Variants in MVB12B observed in about 807,000 individuals in gnomAD.
MVB12B encodes multivesicular body subunit 12B, also known as ESCRT-I complex subunit MVB12B.
A neutral mutation model predicts 41.6 loss-of-function variants in MVB12B; 16 were observed. The ratio of observed to expected loss-of-function variants is 0.38; its 90% CI spans 0.26 to 0.58. The LOEUF is 0.58. Ranked by LOEUF, MVB12B falls within the 20% of genes least tolerant of loss-of-function variation. MVB12B has a pLI of 0.62. For missense variants in MVB12B, 274 were observed against 380.2 expected, an observed-to-expected ratio of 0.72 and a Z score of 2.32; for synonymous variants, 133 against 139.7, an observed-to-expected ratio of 0.95 and a Z score of 0.34.
chr9:126,429,899 C>T (rs778351345), intron 7 of MVB12B, among the ~76,000 whole-genome samples: 8 of 152,172 alleles, frequency 5.3e-5, no homozygotes, highest in Non-Finnish European at 1.0e-4. Context: ...GGCTCTGGGT[C>T]ATCTTACTCC....
At chr9:126,426,638 A>T (rs1037348545) in intron 7 of MVB12B, among the ~76,000 whole-genome samples, 1 of 151,324 alleles carries the variant, frequency 6.6e-6, no homozygotes, top group Non-Finnish European at 1.5e-5. Context: ...TTTCTCTTTC[A>T]TCTATTCCAG....
chr9:126,334,354 G>A (rs1829220319), intron 1 of MVB12B, among the ~76,000 whole-genome samples: 1 of 152,186 alleles, frequency 6.6e-6, no homozygotes, highest in African/African-American at 2.4e-5. Flanking sequence ...TATTTTGGAA[G>A]TCATTAGCAT....
intron 5 of MVB12B, among the ~76,000 whole-genome samples, chr9:126,394,701 C>T (rs939093506): frequency 6.6e-6 from 1 of 152,218 alleles, no homozygotes; most frequent in East Asian, 1.9e-4. Flanking sequence ...TCATTGGAAT[C>T]ACTCATCTAA....
At chr9:126,396,590 C>T (rs963538824) in intron 6 of MVB12B, 179 of 985,344 alleles carry the variant, frequency 1.8e-4, no homozygotes, top group Non-Finnish European at 2.1e-4. Context: ...CCGGGACATA[C>T]CACCAGCTCT....
intron 7 of MVB12B, among the ~76,000 whole-genome samples, chr9:126,475,653 G>A (rs1271373896): frequency 6.6e-6 from 1 of 152,104 alleles, no homozygotes; most frequent in Admixed American, 6.5e-5. Context: ...CGCTCCTCTT[G>A]ATTCAGCTCC....
rs377616811 is a variant in MVB12B, at chr9:126,486,566, G to A, written c.873+2534G>A. On this transcript the variant is annotated intron_variant, in intron 9 of 9. Coordinates refer to ENST00000361171, the MANE Select transcript of MVB12B (RefSeq NM_033446.3). This position sits in a 1 kb window ranked among gnomAD's most constrained non-coding sequence, Gnocchi z 4.7. ...ATAGGTGGGACGTGCTGGCAGCAGC[G>A]GCCTCAGCGTCGAGCCATCTCCCCT... Among the ~76,000 whole-genome samples, 394 of 152,330 alleles carry A rather than the reference G, an allele frequency of 2.6e-3. 5 individuals are homozygous for A. The highest frequency in any genetic ancestry group is 9.2e-3 in the African/African-American group (383 of 41,578).
At position 126,456,021 on chromosome 9, in the gene MVB12B, G is replaced by C. The variant is rs180803963; in HGVS notation, c.758-25348G>C. ...TTTTCCTGCCACAGCCTCCCAAGTA[G>C]CTGGGATCACAGGTACCCGCCACCA... On this transcript the variant is annotated intron_variant, in intron 7 of 9. Transcript: ENST00000361171. 1.3e-4 allele frequency among the ~76,000 whole-genome samples: 20 copies of C among 149,690 alleles called. 1 individual carries two copies. The highest frequency in any genetic ancestry group is 4.9e-4 in the African/African-American group (20 of 40,576).
chr9:126,374,908 G>A (rs1830437422), intron 2 of MVB12B, among the ~76,000 whole-genome samples: 1 of 152,146 alleles, frequency 6.6e-6, no homozygotes, highest in South Asian at 2.1e-4. Flanking sequence ...CTTTAACAAA[G>A]TGATGCCTGC....
chr9:126,342,300 C>G (rs1490620657), intron 2 of MVB12B, among the ~76,000 whole-genome samples: 2 of 152,172 alleles, frequency 1.3e-5, no homozygotes, highest in African/African-American at 4.8e-5. Flanking sequence ...CCCATCTTCC[C>G]ATGCCCTCTT....
intron 9 of MVB12B, among the ~76,000 whole-genome samples, chr9:126,493,977 C>A (rs552128695): frequency 6.8e-4 from 104 of 152,280 alleles, no homozygotes; most frequent in African/African-American, 2.4e-3. Context: ...TTGTCCGACA[C>A]CTCGGCAGGG....
chr9:126,443,431 A>AT (rs1474029444), intron 7 of MVB12B, among the ~76,000 whole-genome samples: 1 of 152,212 alleles, frequency 6.6e-6, no homozygotes, highest in East Asian at 1.9e-4. Flanking sequence ...TAAGAGCCTG[A>AT]TAAAAAGTTT....
chr9:126,421,794 T>G, intron 6 of MVB12B, 60 bp from the exon 7 acceptor site: 1 of 1,327,396 alleles, frequency 7.5e-7, no homozygotes, highest in African/African-American at 1.4e-5. Context: ...GCGTCAGTGC[T>G]TCCTGAGTCT....
In MVB12B at chr9:126,349,943, G is replaced by A. The variant is rs891399324; in HGVS notation, c.204+9313G>A. 5.9e-5 allele frequency among the ~76,000 whole-genome samples: 9 copies of A among 152,264 alleles called. No individual in the cohort carries two copies. In the South Asian group the frequency reaches 1.5e-3, roughly 25 times the overall value. ...AAATAAAATGTTAAACTACTTTTTG[G>A]TGTAGCTGTAATGAATATATGAGGA... On this transcript the variant is annotated intron_variant, in intron 2 of 9. Transcript: ENST00000361171.
At chr9:126,390,951 CA>C (rs1214109113) in intron 4 of MVB12B, among the ~76,000 whole-genome samples, 1,690 of 76,572 alleles carry the variant, frequency 0.022, 19 homozygotes, top group African/African-American at 0.046. Context: ...GACTCCATCT[CA>C]AAAAAAAAAA....
intron 7 of MVB12B, among the ~76,000 whole-genome samples, chr9:126,476,968 G>A (rs972486669): frequency 2.6e-4 from 40 of 151,994 alleles, no homozygotes; most frequent in African/African-American, 9.4e-4. Flanking sequence ...TTGTGTGTTA[G>A]GCTGTTCTTA....
In MVB12B at chr9:126,465,650, G is replaced by T. The variant is rs1378211431; in HGVS notation, c.758-15719G>T. 2.3e-5 allele frequency among the ~76,000 whole-genome samples: 3 copies of T among 127,934 alleles called. No homozygotes were observed. The East Asian group carries it at 8.5e-4, about 36-fold the overall frequency. The allele number at this position is 127,934 out of a possible 152,430, so 83.9% of individuals were successfully genotyped here. On this transcript the variant is annotated intron_variant, in intron 7 of 9. Transcript: ENST00000361171. ...CATGGAGCTTACCCTTTAAATGCAC[G>T]AGTGGCCTCCAGATTGGTGGGGGCG... is the stretch of plus-strand genomic sequence containing the variant.
intron 6 of MVB12B, among the ~76,000 whole-genome samples, chr9:126,420,444 C>A (rs1466054232): frequency 6.6e-6 from 1 of 152,154 alleles, no homozygotes; most frequent in Admixed American, 6.5e-5. Flanking sequence ...GCTAGCAGAC[C>A]CAATACCTTC....
chr9:126,330,392 A>G (rs1481263828), intron 1 of MVB12B, among the ~76,000 whole-genome samples: 2 of 152,148 alleles, frequency 1.3e-5, no homozygotes, highest in Non-Finnish European at 2.9e-5. Flanking sequence ...ATATCCCCTG[A>G]TCCTTTAGAA....
At chr9:126,361,364 G>GC (rs1405361645) in intron 2 of MVB12B, among the ~76,000 whole-genome samples, 11 of 152,034 alleles carry the variant, frequency 7.2e-5, no homozygotes, top group African/African-American at 2.7e-4. Flanking sequence ...TAGCCCTTGT[G>GC]CTATTGTTGG....
Sources: gnomAD v4.1 joint callset for allele counts (sites outside exome capture counted in the v4.1 genomes callset) on GRCh38, gnomAD v4.1.1 for gene constraint, Gnocchi (gnomAD v3.1) non-coding constraint, MANE v1.5 for transcripts, NCBI Gene and HGNC (gene_info 2026-07-23, HGNC 2026-07-21) for gene names.